Variants in TP63 observed in about 807,000 individuals in gnomAD.
TP63 encodes the protein tumor protein p63.
TP63 carries 17 observed loss-of-function variants against 82.8 expected under a neutral mutation model. The ratio of observed to expected loss-of-function variants is 0.21; its 90% confidence interval spans 0.14 to 0.31. The LOEUF (loss-of-function observed/expected upper bound fraction) is 0.31. Among genes scored for constraint, TP63 ranks in the 10% least tolerant of loss-of-function variants. The pLI is 1.00. For synonymous variants in TP63, 330 were observed against 321.7 expected (o/e 1.03, Z -0.28); for missense variants, 648 against 895.3 (o/e 0.72, Z 3.52).
chr3:189,823,019 C>A (rs562435779), intron 4 of TP63, among the ~76,000 whole-genome samples: 2 of 152,236 alleles, frequency 1.3e-5, no homozygotes, highest in South Asian at 4.2e-4. Flanking sequence ...TCTGAAGTTC[C>A]CCTTGAATTC....
At chr3:189,616,197 T>C in the TP63 span, among the ~76,000 whole-genome samples, 1 of 152,220 alleles carries the variant, frequency 6.6e-6, no homozygotes, top group Non-Finnish European at 1.5e-5. Context: ...TCCTAGCTAA[T>C]TTGCATTACT....
chr3:189,821,319 G>A (rs1187845367), intron 4 of TP63, among the ~76,000 whole-genome samples: 1 of 152,188 alleles, frequency 6.6e-6, no homozygotes, highest in Non-Finnish European at 1.5e-5. Context: ...TCAGAATACA[G>A]CCTCACTTCA....
At chr3:189,603,258 A>T in the TP63 span, among the ~76,000 whole-genome samples, 2 of 152,126 alleles carry the variant, frequency 1.3e-5, no homozygotes, top group Non-Finnish European at 2.9e-5. Context: ...GCTGTATCCT[A>T]GTCCCAACTC....
intron 3 of TP63, among the ~76,000 whole-genome samples, chr3:189,790,838 T>C (rs569961221): frequency 5.9e-5 from 9 of 152,106 alleles, no homozygotes; most frequent in African/African-American, 1.7e-4. Context: ...ACAAAATGCA[T>C]AGTATTCCGG....
chr3:189,858,142 ACGC>A (rs1420191639), intron 4 of TP63, among the ~76,000 whole-genome samples: 166 of 14,536 alleles, frequency 0.011, 68 homozygotes, highest in African/African-American at 0.038. Context: ...GCGGTGGCTC[ACGC>A]CTGTAATCCC....
chr3:189,788,257 AG>A (rs1438057250), intron 3 of TP63, among the ~76,000 whole-genome samples: 1 of 151,890 alleles, frequency 6.6e-6, no homozygotes, highest in African/African-American at 2.4e-5. Flanking sequence ...ATATTATGGG[AG>A]TTTTTTGGTT....
At position 189,750,795 on chromosome 3, in the gene TP63, T is replaced by C. The variant is rs7629492; in HGVS notation, c.324+12021T>C. Among the ~76,000 whole-genome samples, 818 of 152,302 alleles carry C rather than the reference T, an allele frequency of 5.4e-3. 10 individuals carry two copies. The highest frequency in any genetic ancestry group is 0.019 in the African/African-American group (786 of 41,560). The stretch of plus-strand genomic sequence containing the variant: ...TGGTGGAATTTCTGTATTTGTTTGG[T>C]GTCAAGTGCCTTTTATTTTTATTAT... On this transcript the variant is annotated intron_variant, in intron 3 of 13. Transcript: ENST00000264731.
At chr3:189,616,416 C>T in the TP63 span, among the ~76,000 whole-genome samples, 1 of 152,204 alleles carries the variant, frequency 6.6e-6, no homozygotes, top group Non-Finnish European at 1.5e-5. Context: ...TTGAGATGTT[C>T]CATGGATCCT....
intron 8 of TP63, 135 bp downstream of exon 8, chr3:189,868,851 G>A: frequency 1.5e-6 from 2 of 1,358,200 alleles, no homozygotes; most frequent in South Asian, 2.4e-5. Flanking sequence ...CTCAGAGCCA[G>A]TGAGAATAGG....
At chr3:189,660,643 T>C (rs1207093919) in intron 1 of TP63, among the ~76,000 whole-genome samples, 1 of 152,076 alleles carries the variant, frequency 6.6e-6, no homozygotes, top group Non-Finnish European at 1.5e-5. Context: ...ATCTGTAGAT[T>C]GATTTGGGCA....
At chr3:189,868,759 T>C in intron 8 of TP63, 43 bp downstream of exon 8, 1 of 1,613,378 alleles carries the variant, frequency 6.2e-7, no homozygotes, top group Non-Finnish European at 8.5e-7. Flanking sequence ...TTGAATCTTC[T>C]CCAGATGTTG....
intron 1 of TP63, among the ~76,000 whole-genome samples, chr3:189,656,123 G>T (rs973438498): frequency 6.6e-6 from 1 of 152,104 alleles, no homozygotes. Flanking sequence ...TAATTGGCCT[G>T]AAAGAAAACT....
chr3:189,864,431 T>A lies in TP63; in HGVS notation c.766+13T>A, dbSNP rs1717435221. On this transcript the variant is annotated intron_variant, in intron 5 of 13. Transcript: ENST00000264731. ...GAATTCAACGAGGGTAAGCAGAATT[T>A]GAATCTCTAACTGTTCAACCTCCTT... The A allele has an allele frequency of 6.8e-6, 11 of 1,610,624 alleles. No homozygotes were observed. Among genetic ancestry groups the A allele is most frequent in the African/African-American group, 1.3e-5 (1 of 74,880 alleles).
At chr3:189,604,711 G>A in the TP63 span, among the ~76,000 whole-genome samples, 2 of 152,128 alleles carry the variant, frequency 1.3e-5, no homozygotes, top group African/African-American at 2.4e-5. Context: ...TAGAAAATGA[G>A]CCATTTAATG....
At position 189,734,147 on chromosome 3, in the gene TP63, C is replaced by T. The variant is rs571339199; in HGVS notation, c.63-3593C>T. On this transcript the variant is annotated intron_variant, in intron 1 of 13. Transcript: ENST00000264731. The stretch of plus-strand genomic sequence containing the variant: ...CTCTCTTTCCCTCCCTCCCTCCCTC[C>T]GTCCCTCCCTCCCTCCCTCCCTTCT... 8.3e-3 allele frequency among the ~76,000 whole-genome samples: 1,028 copies of T among 123,624 alleles called. 18 individuals carry two copies. The highest frequency in any genetic ancestry group is 0.012 in the Non-Finnish European group (726 of 58,722). 81.1% of individuals were successfully genotyped at this position (123,624 alleles called of 152,430 possible). A position where few individuals can be genotyped will look rare whatever the true frequency, so the allele number is the denominator to read the frequency against.
intron 13 of TP63, among the ~76,000 whole-genome samples, chr3:189,891,602 A>G (rs1188386874): frequency 6.6e-6 from 1 of 152,182 alleles, no homozygotes; most frequent in African/African-American, 2.4e-5. Flanking sequence ...GCCTCAGTTA[A>G]TAAAATATTG....
intron 4 of TP63, among the ~76,000 whole-genome samples, chr3:189,823,683 G>T (rs1241751395): frequency 6.6e-6 from 1 of 152,064 alleles, no homozygotes; most frequent in Admixed American, 6.5e-5. Flanking sequence ...TCTCTAGCTG[G>T]GACCTTGACG....
intron 1 of TP63, among the ~76,000 whole-genome samples, chr3:189,679,691 C>A (rs193167324): frequency 3.3e-5 from 5 of 152,052 alleles, no homozygotes; most frequent in African/African-American, 9.6e-5. Context: ...GTGTCACATT[C>A]AAAAAATCAT....
At chr3:189,765,279 T>C (rs1722852529) in intron 3 of TP63, among the ~76,000 whole-genome samples, 1 of 151,872 alleles carries the variant, frequency 6.6e-6, no homozygotes, top group African/African-American at 2.4e-5. Context: ...CTAATTGATA[T>C]GAGAAACAAA....
Sources: allele counts gnomAD v4.1 joint callset (sites outside exome capture counted in the v4.1 genomes callset), GRCh38; gene constraint gnomAD v4.1.1; transcripts MANE v1.5; gene names NCBI Gene and HGNC (gene_info 2026-07-23, HGNC 2026-07-21).